The following ADGRL3 variants were observed in gnomAD, a reference collection of about 807,000 sequenced individuals.
ADGRL3 encodes the protein calcium-independent alpha-latrotoxin receptor 3.
Under a neutral mutation model 153.5 loss-of-function variants are expected in ADGRL3, and 62 were observed. The observed-to-expected ratio is 0.40, with a 90% CI of 0.33 to 0.50. The LOEUF (loss-of-function observed/expected upper bound fraction) is 0.50, where lower values mean the gene tolerates loss of function less well. Among genes scored for constraint, ADGRL3 ranks in the 20% least tolerant of loss-of-function variants. ADGRL3 has a pLI of 0.47. For missense variants in ADGRL3, 1,641 were observed against 1,859.4 expected (o/e 0.88, Z 2.16); for synonymous variants, 710 against 672.5 (o/e 1.06, Z -0.86).
chr4:61,688,004 A>G (rs2095476430), intron 6 of ADGRL3, among the ~76,000 whole-genome samples: 1 of 152,124 alleles, frequency 6.6e-6, no homozygotes, highest in African/African-American at 2.4e-5. Context: ...CCTAACTTCC[A>G]GAAACATACG....
At chr4:61,275,740 G>A (rs1244521497) in intron 1 of ADGRL3, among the ~76,000 whole-genome samples, 2 of 152,134 alleles carry the variant, frequency 1.3e-5, no homozygotes, top group Admixed American at 1.3e-4. Context: ...GCCTTTAAGT[G>A]TGAACCATGT....
chr4:61,336,271 A>G (rs1232724037), intron 1 of ADGRL3, among the ~76,000 whole-genome samples: 1 of 152,164 alleles, frequency 6.6e-6, no homozygotes, highest in Non-Finnish European at 1.5e-5. Flanking sequence ...TTGAAAAATT[A>G]TCCTTTTGTG....
intron 1 of ADGRL3, among the ~76,000 whole-genome samples, chr4:61,333,206 T>A (rs1203580667): frequency 2.0e-5 from 3 of 152,184 alleles, no homozygotes; most frequent in African/African-American, 7.2e-5. Context: ...AACTGTGGTG[T>A]ACATAGTACT....
At chr4:61,463,715 G>T (rs1430613116) in intron 2 of ADGRL3, among the ~76,000 whole-genome samples, 1 of 152,086 alleles carries the variant, frequency 6.6e-6, no homozygotes, top group Non-Finnish European at 1.5e-5. Context: ...AATAAATATG[G>T]TACTTTACCT....
At chr4:61,336,577 G>C (rs2095679488) in intron 1 of ADGRL3, among the ~76,000 whole-genome samples, 1 of 152,048 alleles carries the variant, frequency 6.6e-6, no homozygotes, top group Non-Finnish European at 1.5e-5. Context: ...TTTCCTCAGC[G>C]TGTGAGGGGT....
intron 9 of ADGRL3, among the ~76,000 whole-genome samples, chr4:61,871,121 A>T (rs2098442208): frequency 6.6e-6 from 1 of 150,718 alleles, no homozygotes. Context: ...TACTAAAAAT[A>T]CAAAAAATTA....
At chr4:61,632,123 G>T (rs1417533520) in intron 5 of ADGRL3, among the ~76,000 whole-genome samples, 1 of 151,954 alleles carries the variant, frequency 6.6e-6, no homozygotes, top group African/African-American at 2.4e-5. Context: ...TTTGATCATT[G>T]CTTTCTTCAT....
chr4:61,279,840 A>C (rs1268418441), intron 1 of ADGRL3, among the ~76,000 whole-genome samples: 1 of 152,146 alleles, frequency 6.6e-6, no homozygotes, highest in Non-Finnish European at 1.5e-5. Context: ...CTATTGATAA[A>C]TATGTGATAT....
In ADGRL3 at chr4:62,009,455, G is replaced by A. The variant is rs534936020; in HGVS notation, c.3395+11190G>A. ...GAAGCGTACTTTATAAAATAGCTGT[G>A]TGTAATACATCTTTTTGGACATTAA... On this transcript the variant is annotated intron_variant, in intron 21 of 26. Transcript: ENST00000683033. Among the ~76,000 whole-genome samples, 220 of 152,096 alleles carry A rather than the reference G, an allele frequency of 1.4e-3. 1 individual carries two copies. The highest frequency in any genetic ancestry group is 2.4e-3 in the Non-Finnish European group (161 of 67,978).
At position 61,842,074 on chromosome 4, in the gene ADGRL3, T is replaced by C. The variant is rs370463130; in HGVS notation, c.1480+28185T>C. Among the ~76,000 whole-genome samples the C allele has an allele frequency of 9.2e-5, 14 of 152,344 alleles. No homozygotes were observed. The East Asian group carries it at 1.5e-3, about 17-fold the overall frequency. ...ATTTAAATCTGCTTTTTTTTAAATG[T>C]ACAACAGAATTTCATAACACAGAGA... On this transcript the variant is annotated intron_variant, in intron 9 of 26. Transcript: ENST00000683033.
At chr4:62,062,319 G>A (rs895553766) in intron 25 of ADGRL3, among the ~76,000 whole-genome samples, 3 of 151,650 alleles carry the variant, frequency 2.0e-5, no homozygotes, top group Non-Finnish European at 4.4e-5. Context: ...TTTTTTTAAT[G>A]TTGACTTTTG....
intron 5 of ADGRL3, among the ~76,000 whole-genome samples, chr4:61,645,324 C>T (rs2093921008): frequency 6.6e-6 from 1 of 151,386 alleles, no homozygotes; most frequent in Non-Finnish European, 1.5e-5. Context: ...TTGATCCTGT[C>T]ATTATGATGT....
chr4:61,952,798 G>C (rs376155383), intron 17 of ADGRL3, among the ~76,000 whole-genome samples: 1 of 152,076 alleles, frequency 6.6e-6, no homozygotes, highest in South Asian at 2.1e-4. Context: ...TCAGAAAAAC[G>C]AATCAAATTT....
chr4:61,784,723 G>A (rs2097257466), intron 8 of ADGRL3, among the ~76,000 whole-genome samples: 1 of 152,132 alleles, frequency 6.6e-6, no homozygotes, highest in Admixed American at 6.6e-5. Flanking sequence ...TAGGAAGAAT[G>A]TCAAAATGTG....
chr4:61,718,325 A>G (rs1331310062), intron 6 of ADGRL3, among the ~76,000 whole-genome samples: 1 of 152,026 alleles, frequency 6.6e-6, no homozygotes, highest in Non-Finnish European at 1.5e-5. Context: ...GAGATAGAAA[A>G]CCCTTGGATT....
intron 8 of ADGRL3, among the ~76,000 whole-genome samples, chr4:61,801,629 G>A (rs575889088): frequency 6.6e-6 from 1 of 152,098 alleles, no homozygotes; most frequent in African/African-American, 2.4e-5. Context: ...AAAAAATGAA[G>A]GATATGTGAA....
At chr4:61,508,223 T>G (rs1203228644) in intron 3 of ADGRL3, among the ~76,000 whole-genome samples, 1 of 152,182 alleles carries the variant, frequency 6.6e-6, no homozygotes, top group East Asian at 1.9e-4. Context: ...AGTATTACAA[T>G]TTAGGCAACG....
At chr4:61,554,188 T>C (rs1159525312) in intron 4 of ADGRL3, among the ~76,000 whole-genome samples, 3 of 150,954 alleles carry the variant, frequency 2.0e-5, no homozygotes, top group African/African-American at 7.3e-5. Context: ...TTTATTTTAT[T>C]TTATTTTATT....
chr4:61,709,531 C>T (rs1197183655), intron 6 of ADGRL3, among the ~76,000 whole-genome samples: 2 of 152,004 alleles, frequency 1.3e-5, no homozygotes, highest in East Asian at 3.9e-4. Context: ...AGGTAGAGAT[C>T]TTTATTATAT....
Sources: gnomAD v4.1 joint callset for allele counts (sites outside exome capture counted in the v4.1 genomes callset) on GRCh38, gnomAD v4.1.1 for gene constraint, MANE v1.5 for transcripts, NCBI Gene and HGNC (gene_info 2026-07-23, HGNC 2026-07-21) for gene names.